The following ATG2B variants were observed in gnomAD, a reference collection of about 807,000 sequenced individuals.
ATG2B encodes autophagy-related protein 2 homolog B.
Under a neutral mutation model 241.3 loss-of-function variants are expected in ATG2B, and 121 were observed. The ratio of observed to expected loss-of-function variants is 0.50; its 90% CI spans 0.43 to 0.58. The LOEUF is 0.58. Among genes scored for constraint, ATG2B ranks in the 20% least tolerant of loss-of-function variants. ATG2B has a pLI of 0.00. For missense variants in ATG2B, 2,306 were observed against 2,491.6 expected, an observed-to-expected ratio of 0.93 and a Z score of 1.59; for synonymous variants, 858 against 876.6, an observed-to-expected ratio of 0.98 and a Z score of 0.37.
At chr14:96,317,674 CA>C in intron 19 of ATG2B, 23 bp downstream of exon 19, 1 of 1,536,974 alleles carries the variant, frequency 6.5e-7, no homozygotes, top group Non-Finnish European at 8.9e-7. Context: ...CATTTTAAAT[CA>C]AAACAAATTA....
rs1227078564 is a variant in ATG2B at position 96,281,351 on chromosome 14, A to C, written c.*4404T>G. 3.3e-5 allele frequency: 5 copies of C among 152,356 alleles called. No homozygotes were observed. Among genetic ancestry groups the C allele is most frequent in the Non-Finnish European group, 5.9e-5 (4 of 68,026 alleles). The allele number at this position is 152,356 out of a possible 1,614,324, so 9.4% of individuals were successfully genotyped here. A position where few individuals can be genotyped will look rare whatever the true frequency, so the allele number is the denominator to read the frequency against. On this transcript the variant is annotated 3_prime_UTR_variant, in exon 42 of 42. Transcript: ENST00000359933. ...ATTAACAAGGTACATTTCCACAAAA[A>C]TATTTGTACAGCATCAGTATTCTTA...
At chr14:96,334,878 A>G (rs1357395890) in intron 6 of ATG2B, among the ~76,000 whole-genome samples, 1 of 152,222 alleles carries the variant, frequency 6.6e-6, no homozygotes, top group Non-Finnish European at 1.5e-5. Context: ...TAATCCTTAA[A>G]GTCTGATTCA....
chr14:96,342,483 AG>A (rs1223191765), intron 5 of ATG2B, among the ~76,000 whole-genome samples: 4 of 152,150 alleles, frequency 2.6e-5, no homozygotes, highest in Non-Finnish European at 5.9e-5. Context: ...GCACTTTGGG[AG>A]GCTGAGGCAG....
chr14:96,291,709 A>T, intron 37 of ATG2B, 27 bp from the exon 38 acceptor site: 1 of 1,512,554 alleles, frequency 6.6e-7, no homozygotes, highest in South Asian at 1.2e-5. Context: ...GGCCAAATTA[A>T]CCTTACTGTA....
At chr14:96,359,294 C>T (rs1005061627) in intron 1 of ATG2B, among the ~76,000 whole-genome samples, 2 of 151,890 alleles carry the variant, frequency 1.3e-5, no homozygotes, top group African/African-American at 4.8e-5. Flanking sequence ...AGGAGGATCG[C>T]TTGAGCCTAG....
rs771650128 is a variant in ATG2B, at chr14:96,322,636, C to T, written c.2640G>A (p.Glu880=). The T allele has an allele frequency of 6.2e-7, 1 of 1,613,824 alleles. No individual in the cohort carries two copies. Among genetic ancestry groups the T allele is most frequent in the South Asian group, 1.1e-5 (1 of 91,066 alleles). Residue 880 remains glutamate, a synonymous_variant, in exon 17 of 42, where the codon GAG becomes GAA. Coordinates refer to ENST00000359933, the MANE Select transcript of ATG2B (RefSeq NM_018036.7). The part of the protein sequence containing the change: ...EENDGHYQEE[E]EGGAHSLKDV... ...CTTTCAAGGAATGAGCACCTCCTTC[C>T]TCTTCCTCCTGGTAGTGACCATCAT...
intron 24 of ATG2B, 26 bp downstream of exon 24, chr14:96,313,299 AACTT>A: frequency 6.7e-7 from 1 of 1,486,102 alleles, no homozygotes; most frequent in Non-Finnish European, 9.2e-7. Context: ...TTTTAAATAA[AACTT>A]TATTTTGTTC....
chr14:96,322,982 A>G (rs1887498227), intron 16 of ATG2B, among the ~76,000 whole-genome samples: 1 of 152,180 alleles, frequency 6.6e-6, no homozygotes, highest in Non-Finnish European at 1.5e-5. Context: ...GAAGGGGGCA[A>G]AAAGGTTATT....
At chr14:96,343,074 T>TA (rs1334172880) in intron 5 of ATG2B, 45 bp downstream of exon 5, 2 of 1,438,192 alleles carry the variant, frequency 1.4e-6, no homozygotes, top group Admixed American at 2.5e-5. Flanking sequence ...TTAAACCTTT[T>TA]AAAAAATCTA....
At chr14:96,321,114 G>A (rs961135337) in intron 18 of ATG2B, among the ~76,000 whole-genome samples, 3 of 152,044 alleles carry the variant, frequency 2.0e-5, no homozygotes, top group Admixed American at 6.5e-5. Flanking sequence ...GTGAACCCTA[G>A]AAGAATCCTG....
chr14:96,355,019 C>T (rs765119085), intron 1 of ATG2B, among the ~76,000 whole-genome samples: 15 of 152,122 alleles, frequency 9.9e-5, no homozygotes, highest in Non-Finnish European at 2.2e-4. Context: ...TGTTAAGTTC[C>T]TTACAGATGC....
At chr14:96,333,414 A>G (rs1276883928) in intron 8 of ATG2B, among the ~76,000 whole-genome samples, 1 of 152,218 alleles carries the variant, frequency 6.6e-6, no homozygotes, top group Non-Finnish European at 1.5e-5. Flanking sequence ...ACATAAATTT[A>G]CATTTTTATA....
At chr14:96,348,293 G>A (rs1463365754) in intron 1 of ATG2B, among the ~76,000 whole-genome samples, 1 of 152,126 alleles carries the variant, frequency 6.6e-6, no homozygotes, top group Non-Finnish European at 1.5e-5. Flanking sequence ...TAAAACAATT[G>A]AACTCATGGT....
Position 96,306,711 on chromosome 14 carries a change from T to TA in ATG2B, c.4506+2dup. ...GGCTTCAATAATGTTATTAATTTAT[T>TA]ACCTGCATGGCTGCTTTTGGTGCAA... On this transcript the variant is annotated splice_region_variant and intron_variant, in intron 30 of 41. Transcript: ENST00000359933. The TA allele has an allele frequency of 6.2e-7, 1 of 1,611,570 alleles. No homozygotes were observed. The highest frequency in any genetic ancestry group is 1.1e-5 in the South Asian group (1 of 90,774).
In ATG2B at chr14:96,314,580, T is replaced by C. The variant is rs1053108610; in HGVS notation, c.3642+574A>G. Among the ~76,000 whole-genome samples the C allele has an allele frequency of 2.9e-5, 4 of 135,822 alleles. No individual in the cohort carries two copies. The East Asian group carries it at 8.0e-4, about 27-fold the overall frequency. 89.1% of individuals were successfully genotyped at this position (135,822 alleles called of 152,430 possible). ...TGGGATACAGAGTCCCTTCCCTTCC[T>C]TTAATGACATATAAGATAACTCTGT... On this transcript the variant is annotated intron_variant, in intron 23 of 41. Coordinates refer to ENST00000359933, the MANE Select transcript of ATG2B (RefSeq NM_018036.7).
chr14:96,291,735 C>T, intron 37 of ATG2B, 53 bp from the exon 38 acceptor site: 1 of 1,238,680 alleles, frequency 8.1e-7, no homozygotes, highest in Non-Finnish European at 1.2e-6. Flanking sequence ...AGAGACTCAA[C>T]ATCTAAAATA....
chr14:96,341,810 C>T lies in ATG2B; in HGVS notation c.745-109G>A, dbSNP rs1391198668. On this transcript the variant is annotated intron_variant, in intron 5 of 41. Coordinates refer to ENST00000359933, the MANE Select transcript of ATG2B (RefSeq NM_018036.7). ...AGAATAAAATATTTGACATGTAAAA[C>T]TGTATGATGTTACAATGGACAAACC... 7 of 904,526 alleles carry T rather than the reference C, an allele frequency of 7.7e-6. No individual in the cohort carries two copies. In the South Asian group the frequency reaches 1.8e-4, roughly 24 times the overall value. 56.0% of individuals were successfully genotyped at this position (904,526 alleles called of 1,614,324 possible). A position where few individuals can be genotyped will look rare whatever the true frequency, so the allele number is the denominator to read the frequency against.
intron 18 of ATG2B, among the ~76,000 whole-genome samples, chr14:96,321,172 A>G (rs1887447581): frequency 6.6e-6 from 1 of 152,160 alleles, no homozygotes; most frequent in Non-Finnish European, 1.5e-5. Context: ...GCACCCAGTG[A>G]GAAAACCCAG....
intron 34 of ATG2B, among the ~76,000 whole-genome samples, chr14:96,297,421 A>G (rs1337315138): frequency 6.6e-6 from 1 of 151,628 alleles, no homozygotes; most frequent in Non-Finnish European, 1.5e-5. Context: ...GTTTTGAGAC[A>G]GAGTCTCGCT....
Sources: gnomAD v4.1 joint callset for allele counts (sites outside exome capture counted in the v4.1 genomes callset) on GRCh38, gnomAD v4.1.1 for gene constraint, MANE v1.5 for transcripts, NCBI Gene and HGNC (gene_info 2026-07-23, HGNC 2026-07-21) for gene names.